MBTD1: variants seen among roughly 807,000 people sequenced by gnomAD.
The protein encoded by MBTD1 is MBT domain-containing protein 1.
In MBTD1, 24 loss-of-function variants were observed where a neutral mutation model predicts 87.8. That is an observed-to-expected ratio of 0.27 (90% CI 0.20 to 0.38). MBTD1 has a LOEUF of 0.38. MBTD1 is among the 10% of genes least tolerant of loss of function. The pLI is 1.00. For synonymous variants in MBTD1, 237 were observed against 248.6 expected (o/e 0.95, Z 0.44); for missense variants, 436 against 760.2 (o/e 0.57, Z 5.02).
chr17:51,192,082 G>T, intron 16 of MBTD1, 121 bp downstream of exon 16: 1 of 762,688 alleles, frequency 1.3e-6, no homozygotes, highest in Non-Finnish European at 2.2e-6. Context: ...GCACCTTTAA[G>T]CATAATACAT....
intron 12 of MBTD1, among the ~76,000 whole-genome samples, chr17:51,199,514 T>C (rs898831927): frequency 6.6e-6 from 1 of 152,094 alleles, no homozygotes; most frequent in Non-Finnish European, 1.5e-5. Flanking sequence ...CGATCTCAGC[T>C]CACTGCAACC....
intron 2 of MBTD1, among the ~76,000 whole-genome samples, chr17:51,239,635 G>A (rs2054049824): frequency 1.3e-5 from 2 of 151,914 alleles, no homozygotes; most frequent in African/African-American, 4.8e-5. Context: ...TTTTTTTGTA[G>A]GAGGCTAGCC....
intron 2 of MBTD1, among the ~76,000 whole-genome samples, chr17:51,230,823 C>T (rs2053508305): frequency 6.6e-6 from 1 of 152,120 alleles, no homozygotes; most frequent in Non-Finnish European, 1.5e-5. Context: ...AATGGGAAGA[C>T]ATTATAAACT....
At chr17:51,213,256 T>A (rs1400207134) in intron 6 of MBTD1, among the ~76,000 whole-genome samples, 1 of 151,234 alleles carries the variant, frequency 6.6e-6, no homozygotes, top group Non-Finnish European at 1.5e-5. Context: ...AGTCTCAAAC[T>A]CCTGGGCTCA....
intron 2 of MBTD1, among the ~76,000 whole-genome samples, chr17:51,240,011 C>T (rs1278983482): frequency 6.6e-6 from 1 of 152,120 alleles, no homozygotes; most frequent in Non-Finnish European, 1.5e-5. Context: ...TGTCATGTGC[C>T]TTAGTCTTTA....
intron 2 of MBTD1, among the ~76,000 whole-genome samples, chr17:51,243,219 GTAT>G (rs1299390474): frequency 6.6e-6 from 1 of 151,888 alleles, no homozygotes; most frequent in Non-Finnish European, 1.5e-5. Context: ...TGCTGGGAAT[GTAT>G]TGCCAAGTGT....
chr17:51,245,308 T>C (rs1313168869), intron 2 of MBTD1, among the ~76,000 whole-genome samples: 2 of 152,198 alleles, frequency 1.3e-5, no homozygotes, highest in African/African-American at 2.4e-5. Flanking sequence ...CATTGAGAAA[T>C]TTACATTTAC....
At chr17:51,195,626 A>G (rs916100962) in intron 12 of MBTD1, among the ~76,000 whole-genome samples, 1 of 152,240 alleles carries the variant, frequency 6.6e-6, no homozygotes, top group Non-Finnish European at 1.5e-5. Flanking sequence ...CCATAGCTAT[A>G]GCTGCCTGCT....
At chr17:51,243,763 G>T (rs2054282766) in intron 2 of MBTD1, among the ~76,000 whole-genome samples, 1 of 152,132 alleles carries the variant, frequency 6.6e-6, no homozygotes, top group African/African-American at 2.4e-5. Context: ...CTGGTGTCAA[G>T]CGATCCTCCC....
intron 2 of MBTD1, among the ~76,000 whole-genome samples, chr17:51,244,058 A>G (rs984355972): frequency 1.3e-5 from 2 of 152,176 alleles, no homozygotes; most frequent in Non-Finnish European, 2.9e-5. Flanking sequence ...TCCACTGTAT[A>G]CTACGTATTT....
intron 2 of MBTD1, among the ~76,000 whole-genome samples, chr17:51,229,297 A>T (rs1160329892): frequency 6.6e-6 from 1 of 151,996 alleles, no homozygotes; most frequent in East Asian, 1.9e-4. Context: ...ACACAGATAC[A>T]GTTTTTTTTT....
At position 51,195,322 on chromosome 17, in the gene MBTD1, A is replaced by G. The variant is rs768707148; in HGVS notation, c.1264T>C (p.Ser422Pro). ...DGFLMIGIDGSEAADGSDWFC... is the reference protein window; with the variant it reads ...DGFLMIGIDGPEAADGSDWFC... ...CAGTCAGATCCGTCTGCTGCTTCTG[A>G]GCCATCGATCCCAATCATCAGGAAT... Residue 422 changes from serine (S) to proline (P), a missense_variant, in exon 13 of 17, where the codon TCA (serine) becomes CCA (proline). Coordinates refer to ENST00000586178, the MANE Select transcript of MBTD1 (RefSeq NM_017643.3). 1 of 1,612,050 alleles carries G rather than the reference A, an allele frequency of 6.2e-7. No homozygotes were observed. The highest frequency in any genetic ancestry group is 8.5e-7 in the Non-Finnish European group (1 of 1,178,946).
chr17:51,179,506 A>ATATATATATATATT lies in MBTD1; in HGVS notation c.*1069_*1070insAATATATATATATA, dbSNP rs2050219207. 2 of 82,334 alleles carry ATATATATATATATT rather than the reference A, an allele frequency of 2.4e-5. No homozygotes were observed. The highest frequency in any genetic ancestry group is 5.1e-5 in the Non-Finnish European group (2 of 39,382). The allele number at this position is 82,334 out of a possible 1,614,324, so 5.1% of individuals were successfully genotyped here. On this transcript the variant is annotated 3_prime_UTR_variant, in exon 17 of 17. Transcript: ENST00000586178. ...ATTTTATATATATATATATATATATATATATATATATATATATATATATAT... is the reference window on the plus strand; with the variant it reads ...ATTTTATATATATATATATATATATATATATATATATATTTATATATATATATATATATATATAT...
chr17:51,260,825 G>C (rs757773802), upstream of MBTD1: 54 of 1,596,064 alleles, frequency 3.4e-5, no homozygotes, highest in Non-Finnish European at 4.4e-5. Context: ...CCTGAGGCTG[G>C]AGGAGGACAA....
intron 7 of MBTD1, among the ~76,000 whole-genome samples, chr17:51,204,373 C>T (rs1338742141): frequency 6.8e-6 from 1 of 146,076 alleles, no homozygotes; most frequent in Non-Finnish European, 1.5e-5. Context: ...TCTCCTACCT[C>T]AGCCTCCTAA....
chr17:51,249,640 CAT>C (rs1327214185), intron 2 of MBTD1: 1 of 152,130 alleles, frequency 6.6e-6, no homozygotes, highest in African/African-American at 2.4e-5. Flanking sequence ...CAATTCTCCA[CAT>C]ATTTTATCAT....
chr17:51,257,082 G>C (rs900480073), intron 2 of MBTD1, among the ~76,000 whole-genome samples: 4 of 152,180 alleles, frequency 2.6e-5, no homozygotes, highest in African/African-American at 9.6e-5. Flanking sequence ...AAAAAATAAT[G>C]ATTAAATCTA....
chr17:51,234,754 T>G (rs1018308740), intron 2 of MBTD1, among the ~76,000 whole-genome samples: 25 of 152,168 alleles, frequency 1.6e-4, no homozygotes, highest in Non-Finnish European at 4.4e-5. Context: ...AGCGCAATGG[T>G]GCAATCTCGG....
At chr17:51,230,919 G>C (rs959857298) in intron 2 of MBTD1, among the ~76,000 whole-genome samples, 11 of 151,920 alleles carry the variant, frequency 7.2e-5, no homozygotes, top group African/African-American at 2.4e-4. Flanking sequence ...ACCTCCATTT[G>C]GAGGCGACCT....
Sources: allele counts gnomAD v4.1 joint callset (sites outside exome capture counted in the v4.1 genomes callset), GRCh38; gene constraint gnomAD v4.1.1; transcripts MANE v1.5; gene names NCBI Gene and HGNC (gene_info 2026-07-23, HGNC 2026-07-21).